TMCC1: variants seen among roughly 807,000 people sequenced by gnomAD.
TMCC1 encodes the protein transmembrane and coiled-coil domain family 1, also known as transmembrane and coiled-coil domains protein 1.
A neutral mutation model predicts 52.4 loss-of-function variants in TMCC1; 15 were observed. The ratio of observed to expected loss-of-function variants is 0.29; its 90% confidence interval spans 0.19 to 0.44. TMCC1 has a LOEUF of 0.44. TMCC1 is among the 20% of genes least tolerant of loss of function. The pLI, the probability that TMCC1 is intolerant of heterozygous loss-of-function variation, is 1.00. For synonymous variants in TMCC1, 279 were observed against 301.9 expected, an observed-to-expected ratio of 0.92 and a Z score of 0.79; for missense variants, 503 against 806.0, an observed-to-expected ratio of 0.62 and a Z score of 4.55.
At chr3:129,798,524 C>CAAAAAAAAAAAAAA (rs796919072) in intron 4 of TMCC1, among the ~76,000 whole-genome samples, 1 of 67,888 alleles carries the variant, frequency 1.5e-5, no homozygotes, top group Non-Finnish European at 3.2e-5. Flanking sequence ...TCTTCCTATC[C>CAAAAAAAAAAAAAA]AAAAAAAAAA....
chr3:129,731,634 CA>C (rs1055832978), intron 4 of TMCC1, among the ~76,000 whole-genome samples: 1 of 151,414 alleles, frequency 6.6e-6, no homozygotes, highest in Non-Finnish European at 1.5e-5. Flanking sequence ...GGAACTTCAT[CA>C]TTTTTTTTTT....
intron 4 of TMCC1, among the ~76,000 whole-genome samples, chr3:129,721,155 T>C (rs982894123): frequency 6.6e-6 from 1 of 152,186 alleles, no homozygotes; most frequent in Non-Finnish European, 1.5e-5. Context: ...CTGTGAAAAC[T>C]CCTGCAGTTA....
chr3:129,677,493 T>C (rs146803211), intron 4 of TMCC1, among the ~76,000 whole-genome samples: 4 of 152,372 alleles, frequency 2.6e-5, no homozygotes, highest in Admixed American at 6.5e-5. Flanking sequence ...AATGTGACTA[T>C]AGAACTGCTC....
intron 4 of TMCC1, among the ~76,000 whole-genome samples, chr3:129,820,691 G>C (rs559426401): frequency 6.6e-6 from 1 of 152,158 alleles, no homozygotes; most frequent in Non-Finnish European, 1.5e-5. Context: ...CTCAAAAGGA[G>C]AAGTGGAACT....
At chr3:129,857,563 TA>T (rs925426004) in intron 2 of TMCC1, among the ~76,000 whole-genome samples, 8 of 152,196 alleles carry the variant, frequency 5.3e-5, no homozygotes, top group South Asian at 2.1e-4. Flanking sequence ...TTTTTTTTAA[TA>T]TTTTTTTTTC....
chr3:129,720,785 C>T (rs1287814710), intron 4 of TMCC1, among the ~76,000 whole-genome samples: 1 of 152,130 alleles, frequency 6.6e-6, no homozygotes, highest in Non-Finnish European at 1.5e-5. Flanking sequence ...GTCCCAAACT[C>T]CTGGGCTCAA....
At chr3:129,774,893 T>G (rs767512664) in intron 4 of TMCC1, among the ~76,000 whole-genome samples, 90 of 152,164 alleles carry the variant, frequency 5.9e-4, no homozygotes, top group Middle Eastern at 3.4e-3. Context: ...GTTAGGAAGT[T>G]TGAACTTTAT....
chr3:129,854,458 T>C (rs1577097864), intron 2 of TMCC1, among the ~76,000 whole-genome samples: 1 of 149,528 alleles, frequency 6.7e-6, no homozygotes, highest in Admixed American at 7.4e-5. Context: ...TAATGGCTAC[T>C]TACTCCTCTT....
At chr3:129,865,446 T>C (rs1323457724) in intron 2 of TMCC1, among the ~76,000 whole-genome samples, 2 of 152,034 alleles carry the variant, frequency 1.3e-5, no homozygotes, top group Non-Finnish European at 2.9e-5. Context: ...CCACCACTCC[T>C]GGCATCCTTG....
intron 4 of TMCC1, among the ~76,000 whole-genome samples, chr3:129,796,914 C>T (rs1294457905): frequency 6.6e-6 from 1 of 152,030 alleles, no homozygotes; most frequent in African/African-American, 2.4e-5. Context: ...GTAAGAAACA[C>T]AAAAAAATGA....
chr3:129,657,275 T>A (rs573532559), intron 5 of TMCC1, among the ~76,000 whole-genome samples: 8 of 152,164 alleles, frequency 5.3e-5, no homozygotes, highest in African/African-American at 9.7e-5. Flanking sequence ...TTCTTAGGAA[T>A]CTTATTTGAT....
chr3:129,861,443 A>C (rs7621855), intron 2 of TMCC1, among the ~76,000 whole-genome samples: 131,394 of 151,724 alleles, frequency 0.87, 57,598 homozygotes, highest in East Asian at 1. Context: ...CATCTCAAAA[A>C]AACAACAACA....
chr3:129,710,917 T>G (rs1282031018), intron 4 of TMCC1, among the ~76,000 whole-genome samples: 1 of 152,206 alleles, frequency 6.6e-6, no homozygotes, highest in Non-Finnish European at 1.5e-5. Flanking sequence ...CAGGCTGGAG[T>G]GCAGTGGCAC....
rs928415830 is a variant in TMCC1, at chr3:129,678,224, CTTTTT to C, written c.577-6965_577-6961del. On this transcript the variant is annotated intron_variant, in intron 4 of 6. Transcript: ENST00000393238. ...CATGAGCCACCACGCCTGGCCAATT[CTTTTT>C]TTTTTCTCATATACCTTATATCCAT... Among the ~76,000 whole-genome samples, 60 of 148,302 alleles carry C rather than the reference CTTTTT, an allele frequency of 4.0e-4. 1 individual carries two copies. The highest frequency in any genetic ancestry group is 1.4e-3 in the African/African-American group (58 of 40,486).
chr3:129,695,564 G>C (rs2047353809), intron 4 of TMCC1, among the ~76,000 whole-genome samples: 1 of 152,078 alleles, frequency 6.6e-6, no homozygotes, highest in Admixed American at 6.6e-5. Flanking sequence ...CCAAGCAAAA[G>C]GGGGAAAGCC....
chr3:129,748,129 A>G (rs1281812453), intron 4 of TMCC1, among the ~76,000 whole-genome samples: 4 of 152,228 alleles, frequency 2.6e-5, no homozygotes, highest in Admixed American at 2.6e-4. Context: ...CATATTATCT[A>G]TAGAGACTCA....
intron 6 of TMCC1, among the ~76,000 whole-genome samples, chr3:129,653,719 T>C (rs1374913967): frequency 6.6e-6 from 1 of 152,146 alleles, no homozygotes; most frequent in Non-Finnish European, 1.5e-5. Context: ...TCCCCTGGGA[T>C]TACAGGCGTG....
At position 129,651,810 on chromosome 3, in the gene TMCC1, A is replaced by G. The variant is rs1324438607; in HGVS notation, c.1648-15T>C. 2.5e-6 allele frequency: 4 copies of G among 1,607,572 alleles called. No individual in the cohort carries two copies. The highest frequency in any genetic ancestry group is 1.1e-5 in the South Asian group (1 of 90,566). On this transcript the variant is annotated splice_polypyrimidine_tract_variant and intron_variant, in intron 6 of 6. Coordinates refer to ENST00000393238, the MANE Select transcript of TMCC1 (RefSeq NM_001017395.5). This position sits in a 1 kb window ranked among gnomAD's most constrained non-coding sequence, Gnocchi z 5.1. Reference sequence around the variant, plus strand: ...TCCAGGGCCTCCTGTGGGCCAGAACAGGGAAGAGTTAAGCCTTCTGCTCAC... The same window carrying G: ...TCCAGGGCCTCCTGTGGGCCAGAACGGGGAAGAGTTAAGCCTTCTGCTCAC...
At chr3:129,731,900 C>T (rs1469053564) in intron 4 of TMCC1, among the ~76,000 whole-genome samples, 1 of 152,142 alleles carries the variant, frequency 6.6e-6, no homozygotes, top group African/African-American at 2.4e-5. Flanking sequence ...TCTGGGATTA[C>T]AGGTGTGAGC....
Sources: gnomAD v4.1 joint callset for allele counts (sites outside exome capture counted in the v4.1 genomes callset) on GRCh38, gnomAD v4.1.1 for gene constraint, Gnocchi (gnomAD v3.1) non-coding constraint, MANE v1.5 for transcripts, NCBI Gene and HGNC (gene_info 2026-07-23, HGNC 2026-07-21) for gene names.